MAGI1: variants seen among roughly 807,000 people sequenced by gnomAD.
MAGI1 encodes membrane-associated guanylate kinase, WW and PDZ domain-containing protein 1.
A neutral mutation model predicts 139.9 loss-of-function variants in MAGI1; 58 were observed. That is an observed-to-expected ratio of 0.41 (90% CI 0.34 to 0.52). The LOEUF (loss-of-function observed/expected upper bound fraction) is 0.52. MAGI1 is among the 20% of genes least tolerant of loss of function. The probability of loss-of-function intolerance (pLI) is 0.12; values close to 1 mark genes in which losing one functional copy is unlikely to be tolerated. For synonymous variants in MAGI1, 812 were observed against 737.9 expected, an observed-to-expected ratio of 1.10 and a Z score of -1.63; for missense variants, 1,874 against 1,901.6, an observed-to-expected ratio of 0.99 and a Z score of 0.27.
intron 2 of MAGI1, among the ~76,000 whole-genome samples, chr3:65,534,174 C>A (rs898504438): frequency 6.6e-6 from 1 of 152,142 alleles, no homozygotes; most frequent in East Asian, 1.9e-4. Flanking sequence ...TGATCACTGG[C>A]AGTCCTATTT....
intron 1 of MAGI1, among the ~76,000 whole-genome samples, chr3:65,970,001 T>C (rs1352292922): frequency 1.3e-5 from 2 of 152,096 alleles, no homozygotes; most frequent in Non-Finnish European, 2.9e-5. Context: ...AGGGTCTTGG[T>C]TGGCAAAAGT....
At chr3:65,660,865 C>T (rs1178635967) in intron 1 of MAGI1, among the ~76,000 whole-genome samples, 2 of 152,070 alleles carry the variant, frequency 1.3e-5, no homozygotes, top group Non-Finnish European at 2.9e-5. Context: ...TGCCAAAGGA[C>T]CAATTATTAC....
intron 18 of MAGI1, chr3:65,371,997 C>A (rs1029766716): frequency 8.1e-5 from 27 of 331,992 alleles, no homozygotes; most frequent in Non-Finnish European, 1.4e-4. Flanking sequence ...TCAACCTCTT[C>A]TAAAATCTTG....
chr3:65,799,372 G>T (rs2040367903), intron 1 of MAGI1, among the ~76,000 whole-genome samples: 1 of 152,148 alleles, frequency 6.6e-6, no homozygotes, highest in East Asian at 1.9e-4. Flanking sequence ...TTCAGCAAGG[G>T]ATCCCCTAAA....
intron 1 of MAGI1, among the ~76,000 whole-genome samples, chr3:65,693,277 C>T (rs1312890345): frequency 1.3e-5 from 2 of 152,116 alleles, no homozygotes; most frequent in African/African-American, 2.4e-5. Context: ...ATAAATTACC[C>T]AGTCTCAGGG....
At chr3:65,609,435 G>A (rs2082923994) in intron 2 of MAGI1, among the ~76,000 whole-genome samples, 1 of 151,732 alleles carries the variant, frequency 6.6e-6, no homozygotes, top group Non-Finnish European at 1.5e-5. Flanking sequence ...GTGCCACCAT[G>A]CCCAATTAAT....
intron 1 of MAGI1, among the ~76,000 whole-genome samples, chr3:65,860,014 G>A (rs1339950269): frequency 6.6e-6 from 1 of 151,662 alleles, no homozygotes; most frequent in African/African-American, 2.4e-5. Flanking sequence ...TCCTGCCTCA[G>A]CCTCCCGAGT....
intron 1 of MAGI1, among the ~76,000 whole-genome samples, chr3:65,827,623 T>C (rs981718550): frequency 3.3e-5 from 5 of 152,162 alleles, no homozygotes; most frequent in African/African-American, 1.2e-4. Context: ...CTAGGATGGC[T>C]GAATCAAAAG....
intron 17 of MAGI1, 198 bp downstream of exon 17, chr3:65,379,063 G>A: frequency 8.8e-7 from 1 of 1,132,614 alleles, no homozygotes; most frequent in Non-Finnish European, 1.2e-6. Context: ...AGTTGAAAGG[G>A]TTGAACAAAT....
chr3:65,692,241 T>C (rs1030849788), intron 1 of MAGI1, among the ~76,000 whole-genome samples: 10 of 152,222 alleles, frequency 6.6e-5, no homozygotes, highest in Non-Finnish European at 1.0e-4. Flanking sequence ...ATCCATGTTT[T>C]AAATGTTTCA....
chr3:65,975,788 T>C (rs997306816), intron 1 of MAGI1, among the ~76,000 whole-genome samples: 18 of 152,228 alleles, frequency 1.2e-4, no homozygotes, highest in Admixed American at 5.2e-4. Context: ...CTGACAGCTG[T>C]TGACTCTCTC....
intron 1 of MAGI1, among the ~76,000 whole-genome samples, chr3:65,856,766 T>C (rs2059389572): frequency 6.6e-6 from 1 of 152,178 alleles, no homozygotes; most frequent in African/African-American, 2.4e-5. Flanking sequence ...CTGATGGTCT[T>C]AACCCTCTCT....
chr3:65,729,121 G>C (rs1428794233), intron 1 of MAGI1, among the ~76,000 whole-genome samples: 1 of 4,114 alleles, frequency 2.4e-4, no homozygotes, highest in African/African-American at 2.3e-3. Flanking sequence ...AAAATGGAAC[G>C]GGGGGGGGGG....
chr3:65,570,292 G>A (rs141029770), intron 2 of MAGI1, among the ~76,000 whole-genome samples: 3,046 of 151,662 alleles, frequency 0.02, 95 homozygotes, highest in African/African-American at 0.07. Flanking sequence ...AGTAGAGACA[G>A]GGTTTCAACA....
At chr3:65,475,513 C>A (rs1950844308) in intron 4 of MAGI1, among the ~76,000 whole-genome samples, 1 of 152,194 alleles carries the variant, frequency 6.6e-6, no homozygotes, top group Non-Finnish European at 1.5e-5. Flanking sequence ...TTGTTACACA[C>A]TTTCTAAGTT....
rs1409148291 is a variant in MAGI1, at chr3:65,375,632, A to G, written c.3196+113T>C. 4 of 912,662 alleles carry G rather than the reference A, an allele frequency of 4.4e-6. No homozygotes were observed. In the East Asian group the frequency reaches 9.7e-5, roughly 22 times the overall value. 56.5% of individuals were successfully genotyped at this position (912,662 alleles called of 1,614,324 possible). ...GATGAATAAAGCTGCCACTAAATTA[A>G]TACTATTCAGTTACACGAACACTAA... On this transcript the variant is annotated intron_variant, in intron 18 of 22. Coordinates refer to ENST00000402939, the MANE Select transcript of MAGI1 (RefSeq NM_001033057.2).
intron 2 of MAGI1, among the ~76,000 whole-genome samples, chr3:65,506,150 G>C (rs1377618564): frequency 6.6e-6 from 1 of 152,144 alleles, no homozygotes; most frequent in Non-Finnish European, 1.5e-5. Flanking sequence ...TCAAATCTCA[G>C]CTCTGGTATT....
intron 1 of MAGI1, among the ~76,000 whole-genome samples, chr3:65,971,457 C>T (rs1487324722): frequency 1.3e-5 from 2 of 152,172 alleles, no homozygotes; most frequent in Admixed American, 1.3e-4. Flanking sequence ...TGAAGCACTT[C>T]AGGCCTCAAC....
intron 21 of MAGI1, among the ~76,000 whole-genome samples, 188 bp downstream of exon 21, chr3:65,363,277 C>T (rs1372724910): frequency 1.3e-5 from 2 of 152,196 alleles, no homozygotes; most frequent in Admixed American, 6.5e-5. Context: ...GTTCACCTAA[C>T]TTTAGCAGCT....
Sources: gnomAD v4.1 joint callset for allele counts (sites outside exome capture counted in the v4.1 genomes callset) on GRCh38, gnomAD v4.1.1 for gene constraint, MANE v1.5 for transcripts, NCBI Gene and HGNC (gene_info 2026-07-23, HGNC 2026-07-21) for gene names.